The following FRMD5 variants were observed in gnomAD, a reference collection of about 807,000 sequenced individuals.
FRMD5 encodes the protein FERM domain-containing protein 5.
Under a neutral mutation model 69.0 loss-of-function variants are expected in FRMD5, and 20 were observed. The ratio of observed to expected loss-of-function variants is 0.29; its 90% CI spans 0.20 to 0.42. FRMD5 has a LOEUF of 0.42. Ranked by LOEUF, FRMD5 falls within the 10% of genes least tolerant of loss-of-function variation. The pLI is 1.00. For synonymous variants in FRMD5, 271 were observed against 260.1 expected (o/e 1.04, Z -0.40); for missense variants, 595 against 708.6 (o/e 0.84, Z 1.82).
chr15:44,196,120 T>C (rs749690368), upstream of FRMD5, among the ~76,000 whole-genome samples: 11 of 152,256 alleles, frequency 7.2e-5, no homozygotes, highest in Admixed American at 2.6e-4. Context: ...AGAACTTCAA[T>C]AAGAGATATT....
intron 1 of FRMD5, among the ~76,000 whole-genome samples, chr15:44,042,586 A>T (rs1892248104): frequency 6.6e-6 from 1 of 152,242 alleles, no homozygotes; most frequent in Non-Finnish European, 1.5e-5. Context: ...CACCACGATC[A>T]AGTCAGCTTC....
chr15:44,063,094 C>T (rs1893161658), intron 1 of FRMD5, among the ~76,000 whole-genome samples: 1 of 152,164 alleles, frequency 6.6e-6, no homozygotes, highest in African/African-American at 2.4e-5. Flanking sequence ...TACGTTCTTT[C>T]CATTTCCACA....
chr15:44,106,852 C>T (rs1415493107), intron 1 of FRMD5, among the ~76,000 whole-genome samples: 2 of 152,300 alleles, frequency 1.3e-5, no homozygotes, highest in Non-Finnish European at 1.5e-5. Flanking sequence ...ATTAGCCATT[C>T]TCAAACTTTT....
intron 1 of FRMD5, among the ~76,000 whole-genome samples, chr15:44,072,841 A>G (rs923234951): frequency 6.6e-6 from 1 of 152,214 alleles, no homozygotes; most frequent in Non-Finnish European, 1.5e-5. Flanking sequence ...ATAAAATGAA[A>G]GATCAAGGCT....
intron 13 of FRMD5, among the ~76,000 whole-genome samples, chr15:43,878,555 G>A (rs2088429583): frequency 6.6e-6 from 1 of 152,184 alleles, no homozygotes; most frequent in Admixed American, 6.5e-5. Flanking sequence ...TGCACATGCA[G>A]CTTGAGGAAT....
chr15:44,094,830 G>A (rs2076527400), intron 1 of FRMD5, among the ~76,000 whole-genome samples: 1 of 152,088 alleles, frequency 6.6e-6, no homozygotes. Context: ...ATCAGACCAA[G>A]TTCATCCACA....
chr15:43,960,823 T>C (rs2140539129), intron 1 of FRMD5, among the ~76,000 whole-genome samples: 1 of 152,252 alleles, frequency 6.6e-6, no homozygotes, highest in East Asian at 1.9e-4. Flanking sequence ...TAATTTAAAA[T>C]CTGAGTCCCA....
chr15:44,123,114 G>A (rs1472420967), intron 1 of FRMD5, among the ~76,000 whole-genome samples: 3 of 152,052 alleles, frequency 2.0e-5, no homozygotes, highest in Admixed American at 6.6e-5. Flanking sequence ...GGAGGCCAAG[G>A]TGGGTGGATC....
chr15:43,879,711 C>CTGATCT (rs2088470266), intron 13 of FRMD5: 1 of 398,928 alleles, frequency 2.5e-6, no homozygotes, highest in African/African-American at 2.1e-5. Flanking sequence ...TGGAAACCAG[C>CTGATCT]TGATCTCTTC....
intron 1 of FRMD5, among the ~76,000 whole-genome samples, chr15:44,133,729 T>A (rs921594069): frequency 6.6e-6 from 1 of 152,052 alleles, no homozygotes. Flanking sequence ...AGGTTGGTGT[T>A]GTAACGATAA....
At chr15:43,966,216 C>A (rs891267481) in intron 1 of FRMD5, among the ~76,000 whole-genome samples, 1 of 151,656 alleles carries the variant, frequency 6.6e-6, no homozygotes, top group African/African-American at 2.4e-5. Flanking sequence ...AATAAAAATA[C>A]AAAAGTTAGC....
chr15:43,915,379 A>C (rs1369012203), intron 4 of FRMD5, among the ~76,000 whole-genome samples: 1 of 152,228 alleles, frequency 6.6e-6, no homozygotes, highest in Admixed American at 6.5e-5. Flanking sequence ...AGCCTAAGCT[A>C]GGCTCAAGCG....
At chr15:44,142,045 T>C (rs905998123) in intron 1 of FRMD5, among the ~76,000 whole-genome samples, 1 of 152,140 alleles carries the variant, frequency 6.6e-6, no homozygotes, top group African/African-American at 2.4e-5. Flanking sequence ...GATGTATTCA[T>C]TATCCCATCC....
chr15:44,170,107 AC>A (rs2077774450), intron 1 of FRMD5, among the ~76,000 whole-genome samples: 1 of 152,136 alleles, frequency 6.6e-6, no homozygotes, highest in Admixed American at 6.5e-5. Context: ...TGTTTAAGAG[AC>A]AGGGTCTCAC....
chr15:44,064,614 A>G (rs905270349), intron 1 of FRMD5, among the ~76,000 whole-genome samples: 1 of 152,120 alleles, frequency 6.6e-6, no homozygotes, highest in Non-Finnish European at 1.5e-5. Flanking sequence ...AACAAAACAC[A>G]TTGCCTCTAC....
chr15:43,995,327 G>A (rs1173497892), intron 1 of FRMD5, among the ~76,000 whole-genome samples: 1 of 152,206 alleles, frequency 6.6e-6, no homozygotes, highest in Non-Finnish European at 1.5e-5. Context: ...CTACATTTGT[G>A]ATCCATGATT....
chr15:44,108,598 T>C (rs1222727765), intron 1 of FRMD5, among the ~76,000 whole-genome samples: 2 of 152,066 alleles, frequency 1.3e-5, no homozygotes, highest in Non-Finnish European at 2.9e-5. Context: ...TGAGCCGAGA[T>C]CACGCCATTG....
chr15:43,903,909 G>GAGGC (rs2089107191), intron 6 of FRMD5, among the ~76,000 whole-genome samples: 1 of 152,214 alleles, frequency 6.6e-6, no homozygotes, highest in Non-Finnish European at 1.5e-5. Flanking sequence ...AAGGAACCAT[G>GAGGC]AGGCCCCTGC....
intron 1 of FRMD5, among the ~76,000 whole-genome samples, chr15:43,999,963 T>TATATGCTATGC (rs1160000217): frequency 1.3e-5 from 1 of 75,990 alleles, no homozygotes; most frequent in Admixed American, 1.3e-4. Context: ...CATATATATA[T>TATATGCTATGC]ATATATATAT....
Sources: allele counts gnomAD v4.1 joint callset (sites outside exome capture counted in the v4.1 genomes callset), GRCh38; gene constraint gnomAD v4.1.1; transcripts MANE v1.5; gene names NCBI Gene and HGNC (gene_info 2026-07-23, HGNC 2026-07-21).